The following METTL15 variants were observed in gnomAD, a reference collection of about 807,000 sequenced individuals.
The protein encoded by METTL15 is 12S rRNA N(4)-cytidine methyltransferase METTL15.
A neutral mutation model predicts 38.3 loss-of-function variants in METTL15; 34 were observed. The observed-to-expected ratio is 0.89, with a 90% CI of 0.68 to 1.18. The LOEUF is 1.18. Ranked by LOEUF, METTL15 falls within the 50% of genes most tolerant of loss-of-function variation. The pLI is 0.00. For missense variants in METTL15, 438 were observed against 498.4 expected (o/e 0.88, Z 1.15); for synonymous variants, 162 against 170.9 (o/e 0.95, Z 0.41).
intron 6 of METTL15, among the ~76,000 whole-genome samples, chr11:28,497,179 G>C (rs2133486194): frequency 6.6e-6 from 1 of 152,338 alleles, no homozygotes; most frequent in East Asian, 1.9e-4. Flanking sequence ...GGAATGGAGT[G>C]AAATGTTACT....
chr11:28,209,548 A>C (rs1852531829), intron 3 of METTL15, among the ~76,000 whole-genome samples: 1 of 152,090 alleles, frequency 6.6e-6, no homozygotes, highest in Non-Finnish European at 1.5e-5. Context: ...AAGTTAAGTC[A>C]CACTACAACA....
At chr11:28,443,902 G>A (rs553572146) in intron 6 of METTL15, among the ~76,000 whole-genome samples, 2 of 152,294 alleles carry the variant, frequency 1.3e-5, no homozygotes, top group South Asian at 4.1e-4. Flanking sequence ...TCTCCATGCA[G>A]CAGGTAGACA....
intron 4 of METTL15, among the ~76,000 whole-genome samples, chr11:28,269,648 T>C (rs1590240418): frequency 6.6e-6 from 1 of 152,212 alleles, no homozygotes; most frequent in African/African-American, 2.4e-5. Flanking sequence ...TTAACATTTG[T>C]TTACTATCAG....
At chr11:28,342,813 C>T (rs565694523) in intron 3 of METTL15, among the ~76,000 whole-genome samples, 8 of 152,278 alleles carry the variant, frequency 5.3e-5, no homozygotes, top group Admixed American at 3.9e-4. Context: ...GTTTTGTATG[C>T]ACAGTTGTAC....
At chr11:28,262,630 G>C (rs1855254754) in intron 4 of METTL15, among the ~76,000 whole-genome samples, 1 of 152,006 alleles carries the variant, frequency 6.6e-6, no homozygotes. Context: ...CACTTTCTAG[G>C]TTAATCAGAG....
chr11:28,532,052 G>A, the METTL15 span, among the ~76,000 whole-genome samples: 1 of 151,968 alleles, frequency 6.6e-6, no homozygotes, highest in Non-Finnish European at 1.5e-5. Context: ...AAACTATATT[G>A]TTGCATGTCT....
intron 4 of METTL15, among the ~76,000 whole-genome samples, chr11:28,358,070 G>C (rs970144815): frequency 2.3e-4 from 35 of 151,924 alleles, no homozygotes; most frequent in African/African-American, 8.5e-4. Context: ...AAGCAGAGGG[G>C]GAAATCTGTG....
chr11:28,293,065 T>A (rs567457103), intron 5 of METTL15, among the ~76,000 whole-genome samples: 155 of 152,306 alleles, frequency 1.0e-3, no homozygotes, highest in African/African-American at 3.6e-3. Context: ...TTTAATTAGA[T>A]CCCATTTGTC....
At chr11:28,257,877 A>G (rs1003713755) in intron 4 of METTL15, among the ~76,000 whole-genome samples, 2 of 152,052 alleles carry the variant, frequency 1.3e-5, no homozygotes, top group Non-Finnish European at 2.9e-5. Context: ...ATTCTTCAGG[A>G]TTGTTCCCTG....
At chr11:28,485,763 A>G (rs1304584624) in intron 6 of METTL15, among the ~76,000 whole-genome samples, 1 of 152,180 alleles carries the variant, frequency 6.6e-6, no homozygotes, top group Non-Finnish European at 1.5e-5. Flanking sequence ...GGTGGCTTAC[A>G]CAACAGGTGC....
chr11:28,342,429 AT>A (rs749799326), intron 3 of METTL15, among the ~76,000 whole-genome samples: 532 of 142,554 alleles, frequency 3.7e-3, no homozygotes, highest in Non-Finnish European at 3.7e-3. Flanking sequence ...GGCTGGGCTA[AT>A]TTTTTTTTTT....
chr11:28,346,933 C>T (rs1313658720), intron 3 of METTL15, among the ~76,000 whole-genome samples: 2 of 152,168 alleles, frequency 1.3e-5, no homozygotes, highest in Non-Finnish European at 2.9e-5. Flanking sequence ...GATAGACTCT[C>T]CCAGATTAGA....
At chr11:28,348,497 A>G (rs1018721675) in intron 3 of METTL15, among the ~76,000 whole-genome samples, 8 of 152,090 alleles carry the variant, frequency 5.3e-5, no homozygotes, top group African/African-American at 1.9e-4. Flanking sequence ...CCTTCTGAGT[A>G]GCAGGGACTA....
At chr11:28,476,581 GT>G in intron 6 of METTL15, among the ~76,000 whole-genome samples, 1 of 152,218 alleles carries the variant, frequency 6.6e-6, no homozygotes, top group African/African-American at 2.4e-5. Flanking sequence ...CCTTCCTACT[GT>G]TCTAAACAGG....
intron 4 of METTL15, among the ~76,000 whole-genome samples, chr11:28,218,036 T>C (rs1852986017): frequency 1.3e-5 from 2 of 152,184 alleles, no homozygotes; most frequent in Admixed American, 6.5e-5. Context: ...GACTTGGCGA[T>C]GTGGGCTCTT....
At chr11:28,144,020 C>T (rs1849793758) in intron 3 of METTL15, among the ~76,000 whole-genome samples, 1 of 152,122 alleles carries the variant, frequency 6.6e-6, no homozygotes. Context: ...TGGTCCTTAT[C>T]ATTGCTATAA....
At chr11:28,297,035 C>T in intron 6 of METTL15, 104 bp downstream of exon 6, 3 of 1,133,614 alleles carry the variant, frequency 2.6e-6, no homozygotes, top group Non-Finnish European at 3.9e-6. Flanking sequence ...GTGCATTAAT[C>T]CCCCAGACTC....
chr11:28,356,814 C>A (rs1000209659), intron 4 of METTL15, among the ~76,000 whole-genome samples: 17 of 152,182 alleles, frequency 1.1e-4, no homozygotes, highest in South Asian at 2.1e-4. Context: ...GCTAAAACAT[C>A]TTCAAGCCAC....
At chr11:28,461,918 A>G (rs995798972) in intron 6 of METTL15, among the ~76,000 whole-genome samples, 1 of 152,114 alleles carries the variant, frequency 6.6e-6, no homozygotes, top group African/African-American at 2.4e-5. Context: ...ATACACATAA[A>G]TAAAATGAGA....
Sources: gnomAD v4.1 joint callset for allele counts (sites outside exome capture counted in the v4.1 genomes callset) on GRCh38, gnomAD v4.1.1 for gene constraint, MANE v1.5 for transcripts, NCBI Gene and HGNC (gene_info 2026-07-23, HGNC 2026-07-21) for gene names.